The following MEI4 variants were observed in gnomAD, a reference collection of about 807,000 sequenced individuals.
The protein encoded by MEI4 is meiosis-specific protein MEI4.
Under a neutral mutation model 31.4 loss-of-function variants are expected in MEI4, and 27 were observed. That is an observed-to-expected ratio of 0.86 (90% CI 0.63 to 1.19). The LOEUF is 1.19. Ranked by LOEUF, MEI4 falls within the 50% of genes most tolerant of loss-of-function variation. The pLI, the probability that MEI4 is intolerant of heterozygous loss-of-function variation, is 0.00. For missense variants in MEI4, 329 were observed against 398.9 expected, an observed-to-expected ratio of 0.82 and a Z score of 1.49; for synonymous variants, 122 against 145.4, an observed-to-expected ratio of 0.84 and a Z score of 1.16.
chr6:77,707,233 A>G (rs2127658618), intron 2 of MEI4, among the ~76,000 whole-genome samples: 1 of 152,264 alleles, frequency 6.6e-6, no homozygotes, highest in Non-Finnish European at 1.5e-5. Context: ...AAGGTCACCC[A>G]CTTTATACCC....
At chr6:77,679,796 A>C (rs993394526) in intron 1 of MEI4, among the ~76,000 whole-genome samples, 3 of 151,546 alleles carry the variant, frequency 2.0e-5, no homozygotes, top group Non-Finnish European at 2.9e-5. Flanking sequence ...GCTGGAGTGC[A>C]GTGGTGTGAT....
intron 1 of MEI4, among the ~76,000 whole-genome samples, chr6:77,667,275 A>G (rs749108216): frequency 6.6e-6 from 1 of 152,118 alleles, no homozygotes; most frequent in South Asian, 2.1e-4. Context: ...CATTTGTTAC[A>G]TTTCCCTTTG....
chr6:77,703,329 G>A (rs1766263736), intron 2 of MEI4, among the ~76,000 whole-genome samples: 1 of 152,164 alleles, frequency 6.6e-6, no homozygotes, highest in Admixed American at 6.5e-5. Flanking sequence ...CAGTAAAGTA[G>A]GGTGAGTATT....
intron 2 of MEI4, among the ~76,000 whole-genome samples, chr6:77,705,081 G>C (rs1427240251): frequency 6.6e-6 from 1 of 152,162 alleles, no homozygotes; most frequent in African/African-American, 2.4e-5. Flanking sequence ...GTTTGATACT[G>C]TTTCATACTG....
At chr6:77,701,391 G>A (rs933324974) in intron 2 of MEI4, among the ~76,000 whole-genome samples, 19 of 152,062 alleles carry the variant, frequency 1.2e-4, no homozygotes, top group African/African-American at 3.4e-4. Context: ...TAGAATTTCC[G>A]TAGGCAGATT....
intron 2 of MEI4, among the ~76,000 whole-genome samples, chr6:77,744,038 T>C (rs2127674051): frequency 6.6e-6 from 1 of 152,038 alleles, no homozygotes; most frequent in South Asian, 2.1e-4. Context: ...GCAGAAAAAC[T>C]GGAAACTCTA....
chr6:77,733,412 C>T (rs971064648), intron 2 of MEI4, among the ~76,000 whole-genome samples: 9 of 152,154 alleles, frequency 5.9e-5, no homozygotes, highest in East Asian at 1.9e-4. Flanking sequence ...GGTTTATTTG[C>T]GTAGAGGTGT....
intron 2 of MEI4, among the ~76,000 whole-genome samples, chr6:77,699,521 T>G (rs1766156964): frequency 3.3e-5 from 5 of 152,196 alleles, no homozygotes; most frequent in Admixed American, 2.6e-4. Context: ...GCCATTGGTT[T>G]GAATTTCCTC....
rs551214911 is a variant in MEI4, at chr6:77,781,676, A to G, written c.768+20011A>G. The stretch of plus-strand genomic sequence containing the variant: ...TTTAATCTTTATAACAATCCAGGAA[A>G]GGTATTTTATTATCTCTATTTTACA... On this transcript the variant is annotated intron_variant, in intron 3 of 4. Transcript: ENST00000684080. 2.3e-4 allele frequency among the ~76,000 whole-genome samples: 35 copies of G among 152,302 alleles called. No homozygotes were observed. In the South Asian group the frequency reaches 6.6e-3, roughly 29 times the overall value.
At chr6:77,903,822 T>G (rs1433072483) in intron 4 of MEI4, among the ~76,000 whole-genome samples, 1 of 152,166 alleles carries the variant, frequency 6.6e-6, no homozygotes, top group Non-Finnish European at 1.5e-5. Flanking sequence ...TATGATAATG[T>G]GGTGCATTAC....
chr6:77,923,350 C>T lies in MEI4; in HGVS notation c.*4C>T. 1 of 1,229,362 alleles carries T rather than the reference C, an allele frequency of 8.1e-7. No homozygotes were observed. Among genetic ancestry groups the T allele is most frequent in the Non-Finnish European group, 1.0e-6 (1 of 986,048 alleles). The allele number at this position is 1,229,362 out of a possible 1,614,324, so 76.2% of individuals were successfully genotyped here. On this transcript the variant is annotated 3_prime_UTR_variant, in exon 5 of 5. Transcript: ENST00000684080. ...GATAGAAACTCTTAGAAAATAACTC[C>T]ATTCCTTAGCAATTTACCACGTTTG...
At chr6:77,765,923 C>T (rs575520214) in intron 3 of MEI4, among the ~76,000 whole-genome samples, 9 of 152,142 alleles carry the variant, frequency 5.9e-5, no homozygotes, top group South Asian at 4.1e-4. Flanking sequence ...AGCAAAGTAT[C>T]GCAAGGACAA....
chr6:77,741,388 T>A (rs1767395870), intron 2 of MEI4, among the ~76,000 whole-genome samples: 1 of 152,072 alleles, frequency 6.6e-6, no homozygotes. Flanking sequence ...ACTCTCTGAT[T>A]GGTCTAGAGT....
At chr6:77,859,718 G>A (rs1486377894) in intron 4 of MEI4, among the ~76,000 whole-genome samples, 4 of 152,032 alleles carry the variant, frequency 2.6e-5, no homozygotes, top group Non-Finnish European at 5.9e-5. Flanking sequence ...GGCTACTCGT[G>A]CATATTAAAT....
intron 2 of MEI4, among the ~76,000 whole-genome samples, 190 bp from the exon 3 acceptor site, chr6:77,760,940 C>T (rs1168693391): frequency 6.6e-6 from 1 of 152,040 alleles, no homozygotes. Context: ...AGATAAAGAC[C>T]TTTTTTCTAC....
intron 1 of MEI4, among the ~76,000 whole-genome samples, chr6:77,657,433 A>G (rs1004879): frequency 0.055 from 8,403 of 152,188 alleles, 767 homozygotes; most frequent in African/African-American, 0.19. Context: ...TCTTTTAACA[A>G]TCTGGAAGCA....
intron 4 of MEI4, among the ~76,000 whole-genome samples, chr6:77,865,015 T>G (rs953063721): frequency 5.9e-5 from 9 of 151,846 alleles, no homozygotes; most frequent in African/African-American, 1.7e-4. Context: ...CAGAAGTAAA[T>G]ATGTTCTTTG....
chr6:77,793,537 G>T (rs1768995326), intron 3 of MEI4, among the ~76,000 whole-genome samples: 1 of 152,120 alleles, frequency 6.6e-6, no homozygotes, highest in Admixed American at 6.6e-5. Context: ...TTTAACTCTA[G>T]TATAAAAATT....
At chr6:77,650,849 G>T (rs1342146314), upstream of MEI4, among the ~76,000 whole-genome samples, 1 of 152,216 alleles carries the variant, frequency 6.6e-6, no homozygotes, top group Non-Finnish European at 1.5e-5. Flanking sequence ...GCATGTTCTA[G>T]CCTGGCTTGA....
Sources: gnomAD v4.1 joint callset for allele counts (sites outside exome capture counted in the v4.1 genomes callset) on GRCh38, gnomAD v4.1.1 for gene constraint, MANE v1.5 for transcripts, NCBI Gene and HGNC (gene_info 2026-07-23, HGNC 2026-07-21) for gene names.